PEBP4: variants seen among roughly 807,000 people sequenced by gnomAD.
The protein encoded by PEBP4 is phosphatidylethanolamine binding protein 4, also known as phosphatidylethanolamine-binding protein 4.
In PEBP4, 22 loss-of-function variants were observed where a neutral mutation model predicts 23.9. The ratio of observed to expected loss-of-function variants is 0.92; its 90% CI spans 0.66 to 1.31. PEBP4 has a LOEUF of 1.31. Ranked by LOEUF, PEBP4 falls within the 40% of genes most tolerant of loss-of-function variation. The pLI is 0.00. For synonymous variants in PEBP4, 112 were observed against 99.3 expected (o/e 1.13, Z -0.76); for missense variants, 324 against 281.7 (o/e 1.15, Z -1.07).
intron 3 of PEBP4, among the ~76,000 whole-genome samples, chr8:22,826,462 C>T (rs1282177626): frequency 6.6e-6 from 1 of 152,184 alleles, no homozygotes; most frequent in East Asian, 1.9e-4. Context: ...TTCATTTCAG[C>T]CCTGTCACAG....
intron 3 of PEBP4, among the ~76,000 whole-genome samples, chr8:22,823,466 A>G (rs1806900509): frequency 6.6e-6 from 1 of 151,928 alleles, no homozygotes; most frequent in Non-Finnish European, 1.5e-5. Context: ...TCTAAAATAT[A>G]CTAGTATGTG....
rs35324307 is a variant in PEBP4 at position 22,857,241 on chromosome 8, T to TACACAC, written c.259-39512_259-39507dup. ...ATTTCCTACTTTAAAAAATGAAACCTACACACACACACACACACACACACA... is the reference window on the plus strand; with the variant it reads ...ATTTCCTACTTTAAAAAATGAAACCTACACACACACACACACACACACACACACACA... On this transcript the variant is annotated intron_variant, in intron 3 of 6. Transcript: ENST00000256404. 1.4e-3 allele frequency among the ~76,000 whole-genome samples: 214 copies of TACACAC among 148,122 alleles called. 1 individual carries two copies. Among genetic ancestry groups the TACACAC allele is most frequent in the Middle Eastern group, 6.9e-3 (2 of 290 alleles).
intron 4 of PEBP4, among the ~76,000 whole-genome samples, chr8:22,746,624 C>G: frequency 6.6e-6 from 1 of 151,694 alleles, no homozygotes. Flanking sequence ...CTCCTCTTCT[C>G]CCTCCTCTCT....
intron 3 of PEBP4, among the ~76,000 whole-genome samples, chr8:22,903,713 C>G (rs1808753459): frequency 6.6e-6 from 1 of 152,234 alleles, no homozygotes; most frequent in African/African-American, 2.4e-5. Flanking sequence ...AACCCGTTCT[C>G]TACACCCTAG....
At chr8:22,749,709 C>T (rs1463176443) in intron 4 of PEBP4, among the ~76,000 whole-genome samples, 1 of 152,004 alleles carries the variant, frequency 6.6e-6, no homozygotes, top group African/African-American at 2.4e-5. Context: ...CTGCCTTTTA[C>T]AGAGGAGCAA....
intron 3 of PEBP4, among the ~76,000 whole-genome samples, chr8:22,846,263 C>A (rs1028811519): frequency 2.6e-5 from 4 of 152,134 alleles, no homozygotes; most frequent in African/African-American, 9.7e-5. Context: ...CCTGGGGAGT[C>A]CCGGGCCCCA....
intron 3 of PEBP4, among the ~76,000 whole-genome samples, chr8:22,831,963 G>A (rs1484104002): frequency 1.3e-5 from 2 of 152,134 alleles, no homozygotes; most frequent in African/African-American, 4.8e-5. Flanking sequence ...AAGGGCGGGG[G>A]CAGGGGCAGG....
chr8:22,820,168 A>C (rs1293783780), intron 3 of PEBP4, among the ~76,000 whole-genome samples: 1 of 152,206 alleles, frequency 6.6e-6, no homozygotes, highest in Non-Finnish European at 1.5e-5. Context: ...TTTTTCAATG[A>C]GTTAGAGGCA....
chr8:22,742,380 C>T (rs1467726363), intron 4 of PEBP4, among the ~76,000 whole-genome samples: 1 of 152,224 alleles, frequency 6.6e-6, no homozygotes, highest in Non-Finnish European at 1.5e-5. Context: ...GTGGCGCTGC[C>T]AGCCCTAATG....
intron 3 of PEBP4, chr8:22,887,591 TCC>T (rs1808409521): frequency 6.6e-6 from 1 of 151,850 alleles, no homozygotes; most frequent in South Asian, 2.1e-4. Context: ...ATGGAAAAAC[TCC>T]ATCTCTATAA....
chr8:22,865,925 C>T lies in PEBP4; in HGVS notation c.259-48190G>A, dbSNP rs915199619. On this transcript the variant is annotated intron_variant, in intron 3 of 6. Transcript: ENST00000256404. The surrounding 1 kb of genome is among the most constrained non-coding windows in gnomAD (Gnocchi z 6.9). ...CAGCTCCCACTCAGGACACGCGCCT[C>T]GAGGTGTGGCCCGGCGCCGGGCGGT... 6.6e-6 allele frequency among the ~76,000 whole-genome samples: 1 copy of T among 152,012 alleles called. No individual in the cohort carries two copies. Among genetic ancestry groups the T allele is most frequent in the African/African-American group, 2.4e-5 (1 of 41,414 alleles).
intron 3 of PEBP4, among the ~76,000 whole-genome samples, chr8:22,855,039 CACACAT>C (rs1314144180): frequency 0.19 from 1,113 of 5,780 alleles, 27 homozygotes; most frequent in African/African-American, 0.24. Context: ...CACACACACA[CACACAT>C]GCACCCCAGG....
At position 22,791,494 on chromosome 8, in the gene PEBP4, G is replaced by A. The variant is rs561994386; in HGVS notation, c.357+26143C>T. Among the ~76,000 whole-genome samples, 15 of 151,952 alleles carry A rather than the reference G, an allele frequency of 9.9e-5. 1 individual carries two copies. The highest frequency in any genetic ancestry group is 2.4e-4 in the African/African-American group (10 of 41,422). ...AATCCTCTTCTCCAAGGGTGCGATC[G>A]ACTACCGAGAAAGCTGTGGGCTTCT... On this transcript the variant is annotated intron_variant, in intron 4 of 6. Transcript: ENST00000256404.
chr8:22,915,330 C>T (rs917737600), intron 3 of PEBP4, among the ~76,000 whole-genome samples: 1 of 152,174 alleles, frequency 6.6e-6, no homozygotes, highest in Non-Finnish European at 1.5e-5. Flanking sequence ...CTAAACTCCA[C>T]ACCAGGGCCA....
intron 4 of PEBP4, among the ~76,000 whole-genome samples, chr8:22,768,156 T>C (rs182811108): frequency 9.2e-5 from 14 of 152,292 alleles, no homozygotes; most frequent in Admixed American, 6.5e-4. Context: ...CAGTGGGGTG[T>C]TGGCATTAAT....
intron 4 of PEBP4, among the ~76,000 whole-genome samples, chr8:22,781,957 A>G (rs1434888355): frequency 1.3e-5 from 2 of 152,196 alleles, no homozygotes; most frequent in Admixed American, 1.3e-4. Context: ...GTTCCCCAGG[A>G]ACAGGACCTG....
chr8:22,878,257 T>C (rs1808169990), intron 3 of PEBP4: 1 of 136,284 alleles, frequency 7.3e-6, no homozygotes, highest in Non-Finnish European at 1.6e-5. Flanking sequence ...AGGGGCGGAA[T>C]CCCTGGAATT....
intron 3 of PEBP4, among the ~76,000 whole-genome samples, chr8:22,847,952 T>A (rs1382935548): frequency 6.6e-6 from 1 of 152,200 alleles, no homozygotes; most frequent in Non-Finnish European, 1.5e-5. Flanking sequence ...TGAAATGACT[T>A]TAAATGCCTA....
intron 3 of PEBP4, among the ~76,000 whole-genome samples, chr8:22,862,896 G>A (rs961118696): frequency 6.6e-6 from 1 of 150,636 alleles, no homozygotes; most frequent in Admixed American, 6.7e-5. Context: ...CGCCTCCCAG[G>A]TTCACGTCAT....
Sources: gnomAD v4.1 joint callset for allele counts (sites outside exome capture counted in the v4.1 genomes callset) on GRCh38, gnomAD v4.1.1 for gene constraint, Gnocchi (gnomAD v3.1) non-coding constraint, MANE v1.5 for transcripts, NCBI Gene and HGNC (gene_info 2026-07-23, HGNC 2026-07-21) for gene names.